The following CSTPP1 variants were observed in gnomAD, a reference collection of about 807,000 sequenced individuals.
CSTPP1 encodes the protein UPF0705 protein C11orf49.
At chr11:47,081,934 C>A in the CSTPP1 span, among the ~76,000 whole-genome samples, 4 of 149,190 alleles carry the variant, frequency 2.7e-5, no homozygotes, top group Admixed American at 1.3e-4. Flanking sequence ...TACAAAAAAA[C>A]CTTTTTTTTT....
chr11:47,079,493 C>A, the CSTPP1 span, among the ~76,000 whole-genome samples: 1 of 152,130 alleles, frequency 6.6e-6, no homozygotes, highest in East Asian at 1.9e-4. Context: ...TTGATTAATT[C>A]TTTTTTTCCT....
the CSTPP1 span, among the ~76,000 whole-genome samples, chr11:47,081,771 T>C: frequency 6.6e-6 from 1 of 152,120 alleles, no homozygotes. Flanking sequence ...ACATCTTATA[T>C]GCAAACAAAT....
chr11:47,135,108 CTAAT>C, the CSTPP1 span, among the ~76,000 whole-genome samples: 40 of 151,914 alleles, frequency 2.6e-4, no homozygotes, highest in South Asian at 6.2e-4. Flanking sequence ...CATCTCAAAA[CTAAT>C]TAATTAATTA....
the CSTPP1 span, among the ~76,000 whole-genome samples, chr11:47,038,714 T>C: frequency 5.8e-5 from 7 of 119,768 alleles, 1 homozygote; most frequent in African/African-American, 1.8e-4. Flanking sequence ...ACGAGGTGGC[T>C]CCCGGGCAGA....
At chr11:47,139,670 T>C in the CSTPP1 span, among the ~76,000 whole-genome samples, 1 of 130,124 alleles carries the variant, frequency 7.7e-6, no homozygotes, top group Non-Finnish European at 1.6e-5. Context: ...AGACTGAACG[T>C]CAAAAAAAAA....
chr11:47,117,571 T>G, the CSTPP1 span, among the ~76,000 whole-genome samples: 28 of 152,222 alleles, frequency 1.8e-4, no homozygotes, highest in Non-Finnish European at 3.4e-4. Flanking sequence ...CACTTTTTCC[T>G]TCATTTCAAC....
the CSTPP1 span, among the ~76,000 whole-genome samples, chr11:47,059,744 A>G: frequency 6.6e-6 from 1 of 152,214 alleles, no homozygotes; most frequent in African/African-American, 2.4e-5. Flanking sequence ...GTTTACATGT[A>G]TTCATTCATT....
chr11:46,988,853 G>T, the CSTPP1 span, among the ~76,000 whole-genome samples: 3 of 152,118 alleles, frequency 2.0e-5, no homozygotes, highest in South Asian at 6.2e-4. Flanking sequence ...CACCTACTAT[G>T]TACCCATGAA....
the CSTPP1 span, among the ~76,000 whole-genome samples, chr11:47,032,954 A>AT: frequency 6.6e-6 from 1 of 152,222 alleles, no homozygotes; most frequent in Admixed American, 6.5e-5. Context: ...TTGTATATGT[A>AT]TTTTATACTG....
chr11:47,157,262 G>T, the CSTPP1 span: 1 of 1,519,058 alleles, frequency 6.6e-7, no homozygotes. Context: ...GCCCCAGGGG[G>T]TCGGACTGCT....
the CSTPP1 span, among the ~76,000 whole-genome samples, chr11:46,982,470 TCTAA>T: frequency 6.6e-6 from 1 of 152,112 alleles, no homozygotes; most frequent in African/African-American, 2.4e-5. Flanking sequence ...AAAAGAGTGC[TCTAA>T]CTAATGTTAA....
At chr11:47,159,823 G>T in the CSTPP1 span, 1 of 404,836 alleles carries the variant, frequency 2.5e-6, no homozygotes, top group Non-Finnish European at 4.9e-6. Flanking sequence ...TGGCCAACAT[G>T]GAGAAACCCC....
At chr11:47,159,046 C>T in the CSTPP1 span, among the ~76,000 whole-genome samples, 57 of 152,358 alleles carry the variant, frequency 3.7e-4, no homozygotes, top group African/African-American at 1.4e-3. Flanking sequence ...ACACAATATA[C>T]AGTTAGCCAG....
At chr11:47,002,784 G>C in the CSTPP1 span, among the ~76,000 whole-genome samples, 30 of 152,330 alleles carry the variant, frequency 2.0e-4, no homozygotes, top group African/African-American at 5.5e-4. Context: ...CAGCTAGCTA[G>C]TATAAAATTT....
chr11:47,012,976 TTGGTG>T, the CSTPP1 span, among the ~76,000 whole-genome samples: 1 of 143,778 alleles, frequency 7.0e-6, no homozygotes, highest in Non-Finnish European at 1.5e-5. Flanking sequence ...CCTTGCTGTA[TTGGTG>T]CGAGACAGAA....
the CSTPP1 span, among the ~76,000 whole-genome samples, chr11:47,071,999 G>A: frequency 1.3e-5 from 2 of 152,310 alleles, no homozygotes; most frequent in South Asian, 2.1e-4. Context: ...GTTCCTTCAC[G>A]GACTCCACTA....
chr11:46,958,028 G>C, the CSTPP1 span, among the ~76,000 whole-genome samples: 1 of 152,168 alleles, frequency 6.6e-6, no homozygotes, highest in African/African-American at 2.4e-5. Flanking sequence ...GAGACAGTAA[G>C]ATCAACCCCC....
At chr11:47,038,700 C>G in the CSTPP1 span, among the ~76,000 whole-genome samples, 1 of 124,264 alleles carries the variant, frequency 8.0e-6, no homozygotes, top group African/African-American at 2.5e-5. Context: ...CACCTCCCTG[C>G]CGGACGAGGT....
chr11:47,046,082 G>A, the CSTPP1 span, among the ~76,000 whole-genome samples: 1 of 152,084 alleles, frequency 6.6e-6, no homozygotes, highest in African/African-American at 2.4e-5. Context: ...ACCACTCCCA[G>A]CCTAAAGTGG....
Sources: gnomAD v4.1 joint callset for allele counts (sites outside exome capture counted in the v4.1 genomes callset) on GRCh38, gnomAD v4.1.1 for gene constraint, MANE v1.5 for transcripts, NCBI Gene and HGNC (gene_info 2026-07-23, HGNC 2026-07-21) for gene names.